ABCD2: variants seen among roughly 807,000 people sequenced by gnomAD.
ABCD2 encodes the protein ATP-binding cassette sub-family D member 2.
A neutral mutation model predicts 70.9 loss-of-function variants in ABCD2; 36 were observed. That is an observed-to-expected ratio of 0.51 (90% CI 0.39 to 0.67). The LOEUF (loss-of-function observed/expected upper bound fraction) is 0.67, where lower values mean the gene tolerates loss of function less well. ABCD2 is among the 30% of genes least tolerant of loss of function. The pLI is 0.00. For missense variants in ABCD2, 729 were observed against 890.2 expected (o/e 0.82, Z 2.30); for synonymous variants, 304 against 306.9 (o/e 0.99, Z 0.10).
chr12:39,532,218 CA>C, the ABCD2 span, among the ~76,000 whole-genome samples: 1 of 152,098 alleles, frequency 6.6e-6, no homozygotes, highest in South Asian at 2.1e-4. Context: ...ATGAAAAGGT[CA>C]AGGCATAAAA....
At position 39,593,202 on chromosome 12, in the gene ABCD2, T is replaced by C. The variant is rs544613794; in HGVS notation, c.1647-6905A>G. Among the ~76,000 whole-genome samples the C allele has an allele frequency of 3.9e-4, 59 of 152,334 alleles. 1 individual carries two copies. Among genetic ancestry groups the C allele is most frequent in the Admixed American group, 2.4e-3 (37 of 15,286 alleles). On this transcript the variant is annotated intron_variant, in intron 6 of 9. Coordinates refer to ENST00000308666, the MANE Select transcript of ABCD2 (RefSeq NM_005164.4). ...AAATCTTAGATTTGGAAGTCATTCA[T>C]ATAGAAACAATAGAAAATGGAACTT...
At chr12:39,612,982 A>C (rs1942064866) in intron 2 of ABCD2, among the ~76,000 whole-genome samples, 1 of 152,176 alleles carries the variant, frequency 6.6e-6, no homozygotes, top group East Asian at 1.9e-4. Context: ...CCTGCCTGTT[A>C]GGTGTCTGTG....
chr12:39,586,218 T>C lies in ABCD2; in HGVS notation c.1726A>G (p.Thr576Ala), dbSNP rs1229686213. The change falls in exon 7 of 10, where the codon ACA (threonine) becomes GCA (alanine). Residue 576 changes from threonine (T) to alanine (A), a missense_variant. Around this residue, in one of 3 missense-constraint regions of ABCD2, gnomAD observed 289 missense variants for 328.8 expected, o/e 0.88. Transcript: ENST00000308666. The stretch of plus-strand genomic sequence containing the variant: ...AGGATACGTTCCAGATCTTGGTCTG[T>C]ATAACCTTTATCATGCATATCATCC... ...SVDDMHDKGY[T>A]DQDLERILHN... 1.2e-6 allele frequency: 2 copies of C among 1,613,602 alleles called. No individual in the cohort carries two copies. The highest frequency in any genetic ancestry group is 1.7e-6 in the Non-Finnish European group (2 of 1,179,708).
intron 2 of ABCD2, among the ~76,000 whole-genome samples, chr12:39,613,662 G>T (rs1942077782): frequency 6.6e-6 from 1 of 152,192 alleles, no homozygotes; most frequent in Non-Finnish European, 1.5e-5. Context: ...TGCAGTAGAA[G>T]AAAGCAGTGC....
downstream of ABCD2, among the ~76,000 whole-genome samples, chr12:39,545,655 T>G (rs1176948594): frequency 6.6e-6 from 1 of 152,242 alleles, no homozygotes; most frequent in Non-Finnish European, 1.5e-5. Context: ...TGCTGTGAAT[T>G]GACCTTTTCA....
intron 8 of ABCD2, among the ~76,000 whole-genome samples, chr12:39,578,374 T>A (rs969430822): frequency 1.3e-5 from 2 of 148,916 alleles, no homozygotes; most frequent in African/African-American, 2.5e-5. Flanking sequence ...CTCAGGAGGC[T>A]GAGGCAGGAG....
the ABCD2 span, among the ~76,000 whole-genome samples, chr12:39,533,165 CA>C: frequency 1.4e-5 from 2 of 143,788 alleles, no homozygotes; most frequent in South Asian, 2.2e-4. Context: ...GACTCTGTCT[CA>C]AAAAAAAACA....
chr12:39,585,171 T>C (rs1481677213), intron 7 of ABCD2, among the ~76,000 whole-genome samples: 1 of 152,192 alleles, frequency 6.6e-6, no homozygotes, highest in Non-Finnish European at 1.5e-5. Context: ...GGTTTTCCAT[T>C]TGTGTCTTCT....
At position 39,618,771 on chromosome 12, in the gene ABCD2, A is replaced by C; in HGVS notation, c.845T>G (p.Val282Gly). ...KACSPKFGKL[V>G]AEEAHRKGYL... ...GCCTTTTCTATGTGCTTCCTCTGCC[A>C]CCAGTTTGCCAAATTTGGGAGAACA... Residue 282 changes from valine to glycine, a missense_variant, in exon 1 of 10, where the codon GTG becomes GGG. Around this residue, in one of 3 missense-constraint regions of ABCD2, gnomAD observed 195 missense variants for 300.2 expected, o/e 0.65. Transcript: ENST00000308666. 6.2e-7 allele frequency: 1 copy of C among 1,614,212 alleles called. No homozygotes were observed. The highest frequency in any genetic ancestry group is 2.2e-5 in the East Asian group (1 of 44,880).
intron 9 of ABCD2, among the ~76,000 whole-genome samples, chr12:39,565,943 A>G (rs1052895333): frequency 6.6e-6 from 1 of 152,100 alleles, no homozygotes; most frequent in Non-Finnish European, 1.5e-5. Context: ...ATTGATTTGC[A>G]TATGTTGAAC....
chr12:39,545,988 T>G (rs1305080933), downstream of ABCD2, among the ~76,000 whole-genome samples: 1 of 152,164 alleles, frequency 6.6e-6, no homozygotes, highest in African/African-American at 2.4e-5. Flanking sequence ...AATCAAGGAA[T>G]TAGAAGAAAT....
intron 5 of ABCD2, among the ~76,000 whole-genome samples, chr12:39,603,300 C>A (rs1460877575): frequency 6.6e-6 from 1 of 152,030 alleles, no homozygotes; most frequent in Non-Finnish European, 1.5e-5. Context: ...ACTTGAATCC[C>A]AAAACATGTG....
intron 6 of ABCD2, among the ~76,000 whole-genome samples, chr12:39,594,410 TAAC>T (rs994708884): frequency 4.6e-5 from 7 of 152,070 alleles, no homozygotes; most frequent in Admixed American, 4.6e-4. Context: ...TTACAAAAAA[TAAC>T]AATACCCTAG....
chr12:39,600,859 T>C (rs1941888049), intron 5 of ABCD2, 143 bp from the exon 6 acceptor site: 1 of 718,816 alleles, frequency 1.4e-6, no homozygotes, highest in Non-Finnish European at 2.2e-6. Flanking sequence ...TATTTCAGGG[T>C]TGAGAACAAG....
rs149070768 is a variant in ABCD2, at chr12:39,564,379, A to G, written c.2003+9337T>C. Among the ~76,000 whole-genome samples the G allele has an allele frequency of 6.8e-4, 103 of 152,316 alleles. No homozygotes were observed. In the East Asian group the frequency reaches 0.015, roughly 22 times the overall value. ...TTGATTTGCATTGCTCTGATGGCCA[A>G]TGATGATGAGCATTTCTTCATGTGT... On this transcript the variant is annotated intron_variant, in intron 9 of 9. Transcript: ENST00000308666.
intron 5 of ABCD2, among the ~76,000 whole-genome samples, 166 bp from the exon 6 acceptor site, chr12:39,600,882 C>T (rs1436992707): frequency 4.6e-5 from 7 of 152,076 alleles, no homozygotes; most frequent in Admixed American, 1.3e-4. Flanking sequence ...TGGCTTTTGA[C>T]TATTCTCTGA....
chr12:39,548,682 AT>A (rs1423257796), downstream of ABCD2, among the ~76,000 whole-genome samples: 1 of 151,426 alleles, frequency 6.6e-6, no homozygotes, highest in Admixed American at 6.6e-5. Context: ...AATATATTTA[AT>A]ATATACAAAT....
rs1019804753 is a variant in ABCD2, at chr12:39,612,920, C to T, written c.1120+4068G>A. 5.3e-5 allele frequency among the ~76,000 whole-genome samples: 8 copies of T among 152,150 alleles called. No homozygotes were observed. The East Asian group carries it at 1.5e-3, about 29-fold the overall frequency. On this transcript the variant is annotated intron_variant, in intron 2 of 9. Coordinates refer to ENST00000308666, the MANE Select transcript of ABCD2 (RefSeq NM_005164.4). The stretch of plus-strand genomic sequence containing the variant: ...GATATCCTGCTTCACACTCACAGAT[C>T]ACAAACATGTTGACATTACTGGCAG...
At chr12:39,555,004 C>G (rs76274984) in intron 9 of ABCD2, among the ~76,000 whole-genome samples, 7,990 of 151,952 alleles carry the variant, frequency 0.053, 246 homozygotes, top group Middle Eastern at 0.085. Context: ...GATCGGTGGG[C>G]TTTTTTCAAG....
Sources: allele counts gnomAD v4.1 joint callset (sites outside exome capture counted in the v4.1 genomes callset), GRCh38; gene constraint gnomAD v4.1.1; regional missense constraint gnomAD v4.1.1; transcripts MANE v1.5; gene names NCBI Gene and HGNC (gene_info 2026-07-23, HGNC 2026-07-21).